Variants in VAV1 observed in about 807,000 individuals in gnomAD.
VAV1 encodes the protein proto-oncogene vav.
A neutral mutation model predicts 128.1 loss-of-function variants in VAV1; 33 were observed. The ratio of observed to expected loss-of-function variants is 0.26; its 90% confidence interval spans 0.20 to 0.34. VAV1 has a LOEUF of 0.34. Ranked by LOEUF, VAV1 falls within the 10% of genes least tolerant of loss-of-function variation. The pLI is 1.00. For missense variants in VAV1, 715 were observed against 1,093.7 expected, an observed-to-expected ratio of 0.65 and a Z score of 4.88; for synonymous variants, 394 against 409.8, an observed-to-expected ratio of 0.96 and a Z score of 0.47.
chr19:6,796,303 C>G (rs768265624), intron 1 of VAV1, among the ~76,000 whole-genome samples: 13 of 152,046 alleles, frequency 8.6e-5, no homozygotes, highest in East Asian at 1.9e-4. Flanking sequence ...ATTTATTTGT[C>G]CTTCTTTATA....
intron 1 of VAV1, among the ~76,000 whole-genome samples, chr19:6,803,092 A>C (rs995618448): frequency 6.6e-6 from 1 of 152,098 alleles, no homozygotes; most frequent in Non-Finnish European, 1.5e-5. Context: ...TCAGCCTGGG[A>C]CGGTTCTTTG....
Position 6,828,860 on chromosome 19 carries a change from C to G in VAV1, c.1225C>G (p.Leu409Val). The stretch of plus-strand genomic sequence containing the variant: ...TGGCCGGCCCAAGATCGACGGGGAA[C>G]TCAAGATCACCTCGGTGGAACGGCG... Reference protein sequence around the residue: ...HYGRPKIDGELKITSVERRSK... With the variant: ...HYGRPKIDGEVKITSVERRSK... Residue 409 changes from leucine (L) to valine (V), a missense_variant, in exon 13 of 27, where the codon CTC becomes GTC. By Grantham distance (32) the Leu-to-Val change is conservative. Around this residue, in one of 3 missense-constraint regions of VAV1, gnomAD observed 407 missense variants for 580.6 expected, o/e 0.70. Coordinates refer to ENST00000602142, the MANE Select transcript of VAV1 (RefSeq NM_005428.4). This position sits in a 1 kb window ranked among gnomAD's most constrained non-coding sequence, Gnocchi z 4.5. 6.2e-7 allele frequency: 1 copy of G among 1,614,130 alleles called. No individual in the cohort carries two copies. Among genetic ancestry groups the G allele is most frequent in the Non-Finnish European group, 8.5e-7 (1 of 1,180,042 alleles).
intron 1 of VAV1, among the ~76,000 whole-genome samples, chr19:6,799,447 C>T (rs1372632576): frequency 6.6e-6 from 1 of 152,100 alleles, no homozygotes; most frequent in African/African-American, 2.4e-5. Flanking sequence ...GGATTACAGG[C>T]GTGAGCCACC....
chr19:6,856,944 G>A lies in VAV1; in HGVS notation c.2485-110G>A, dbSNP rs1003103352. The A allele has an allele frequency of 4.6e-6, 4 of 870,646 alleles. No individual in the cohort carries two copies. The Admixed American group carries it at 7.6e-5, about 17-fold the overall frequency. The allele number at this position is 870,646 out of a possible 1,614,324, so 53.9% of individuals were successfully genotyped here. ...GATGTGTTTTCTGGGATAGACAGAA[G>A]GAAGAGCAGGTGCAAAGGCCCTGAG... is the stretch of plus-strand genomic sequence containing the variant. On this transcript the variant is annotated intron_variant, in intron 26 of 26. Transcript: ENST00000602142.
intron 1 of VAV1, among the ~76,000 whole-genome samples, chr19:6,790,477 G>A (rs139553703): frequency 9.7e-4 from 148 of 152,304 alleles, no homozygotes; most frequent in African/African-American, 3.4e-3. Context: ...GCAGAGCTGT[G>A]CTCCCTCTGG....
Position 6,829,021 on chromosome 19 carries a change from C to T in VAV1, c.1265+121C>T, listed in dbSNP as rs796872937. On this transcript the variant is annotated intron_variant, in intron 13 of 26. Coordinates refer to ENST00000602142, the MANE Select transcript of VAV1 (RefSeq NM_005428.4). ...GGTGGAGCCTGGGCAGGGGCGGGGC[C>T]GGGCTTCTAGATGGACAGGTGGGTG... 7.6e-6 allele frequency: 9 copies of T among 1,179,560 alleles called. No homozygotes were observed. The African/African-American group carries it at 7.7e-5, about 10-fold the overall frequency. 73.1% of individuals were successfully genotyped at this position (1,179,560 alleles called of 1,614,324 possible).
intron 1 of VAV1, among the ~76,000 whole-genome samples, chr19:6,774,091 G>T (rs1029398883): frequency 1.3e-5 from 2 of 152,120 alleles, no homozygotes; most frequent in Admixed American, 1.3e-4. Flanking sequence ...ATTGGTGGAA[G>T]AGATCCATGC....
chr19:6,837,112 GGACA>G, intron 21 of VAV1, 62 bp downstream of exon 21: 4 of 1,556,208 alleles, frequency 2.6e-6, no homozygotes, highest in Non-Finnish European at 3.5e-6. Context: ...CTGGGAGGAT[GGACA>G]GACTTGGAAA....
rs542038713 is a variant in VAV1, at chr19:6,790,196, A to G, written c.204+17185A>G. On this transcript the variant is annotated intron_variant, in intron 1 of 26. Coordinates refer to ENST00000602142, the MANE Select transcript of VAV1 (RefSeq NM_005428.4). The stretch of plus-strand genomic sequence containing the variant: ...CTGTCTCAAAAATAAAATAAAATAA[A>G]ATAAATGCTGGGGAGAGGAAGAGGG... Among the ~76,000 whole-genome samples the G allele has an allele frequency of 7.1e-4, 107 of 150,742 alleles. 1 individual carries two copies. Among genetic ancestry groups the G allele is most frequent in the Non-Finnish European group, 1.1e-3 (74 of 67,116 alleles).
chr19:6,810,410 TTACTC>T (rs1187074970), intron 1 of VAV1, among the ~76,000 whole-genome samples: 4 of 152,022 alleles, frequency 2.6e-5, no homozygotes, highest in Admixed American at 1.3e-4. Context: ...ACCTATGAAA[TTACTC>T]TAACTTGGCC....
intron 1 of VAV1, among the ~76,000 whole-genome samples, chr19:6,789,396 G>C (rs972338415): frequency 6.6e-6 from 1 of 151,988 alleles, no homozygotes; most frequent in South Asian, 2.1e-4. Flanking sequence ...GGGACTATAG[G>C]TGCCCACCAC....
At chr19:6,856,730 G>GAAAAAAAAAAAAAAAAAAA (rs1222535432) in intron 26 of VAV1, among the ~76,000 whole-genome samples, 1 of 68,854 alleles carries the variant, frequency 1.5e-5, no homozygotes, top group Non-Finnish European at 3.1e-5. Flanking sequence ...TCTCAAAAAA[G>GAAAAAAAAAAAAAAAAAAA]AAAAAAAAAA....
Position 6,822,551 on chromosome 19 carries a change from C to A in VAV1, c.654+37C>A, listed in dbSNP as rs944172394. ...CCACCCAGCGCCTGCCGGGCGCATG[C>A]GCGGGAGCTGGGCCGGCAGGTGCAC... On this transcript the variant is annotated intron_variant, in intron 6 of 26. Transcript: ENST00000602142. This position sits in a 1 kb window ranked among gnomAD's most constrained non-coding sequence, Gnocchi z 5.9. The A allele has an allele frequency of 3.3e-6, 5 of 1,532,594 alleles. No homozygotes were observed. Among genetic ancestry groups the A allele is most frequent in the African/African-American group, 1.4e-5 (1 of 72,894 alleles). 94.9% of individuals were successfully genotyped at this position (1,532,594 alleles called of 1,614,324 possible). A position where few individuals can be genotyped will look rare whatever the true frequency, so the allele number is the denominator to read the frequency against.
intron 1 of VAV1, among the ~76,000 whole-genome samples, chr19:6,794,030 AC>A (rs1332751224): frequency 6.8e-6 from 1 of 147,232 alleles, no homozygotes; most frequent in East Asian, 2.0e-4. Flanking sequence ...TTACCAATAA[AC>A]CAACGGTAAA....
At chr19:6,842,958 T>C (rs1972415801) in intron 21 of VAV1, among the ~76,000 whole-genome samples, 177 bp from the exon 22 acceptor site, 1 of 152,112 alleles carries the variant, frequency 6.6e-6, no homozygotes, top group Non-Finnish European at 1.5e-5. Context: ...ACTGGGGCAG[T>C]CTCTCCCCCG....
chr19:6,804,880 T>C (rs548467392), intron 1 of VAV1, among the ~76,000 whole-genome samples: 72 of 151,874 alleles, frequency 4.7e-4, no homozygotes, highest in East Asian at 1.4e-3. Context: ...CCCGCCACCA[T>C]GCCCGGCTAA....
In VAV1 at chr19:6,828,613, C is replaced by G. The variant is rs773341851; in HGVS notation, c.1093-9C>G. 31 of 1,613,804 alleles carry G rather than the reference C, an allele frequency of 1.9e-5. No homozygotes were observed. The highest frequency in any genetic ancestry group is 3.3e-4 in the Middle Eastern group (2 of 6,082). ...TGGGGGGCCAGGTTCACCCCTGCCC[C>G]CTCCCCAGGACCTGGCTCAGTGCGT... is the stretch of plus-strand genomic sequence containing the variant. On this transcript the variant is annotated splice_polypyrimidine_tract_variant and intron_variant, in intron 11 of 26. Coordinates refer to ENST00000602142, the MANE Select transcript of VAV1 (RefSeq NM_005428.4). This position sits in a 1 kb window ranked among gnomAD's most constrained non-coding sequence, Gnocchi z 4.5.
intron 22 of VAV1, among the ~76,000 whole-genome samples, chr19:6,844,718 C>T (rs565159508): frequency 3.9e-5 from 6 of 152,016 alleles, no homozygotes; most frequent in Admixed American, 2.6e-4. Context: ...GCGCTCCTTC[C>T]GCCCTTCTGC....
chr19:6,816,196 G>A (rs946995941), intron 1 of VAV1, among the ~76,000 whole-genome samples: 2 of 151,766 alleles, frequency 1.3e-5, no homozygotes, highest in Non-Finnish European at 2.9e-5. Flanking sequence ...ATTTTTTTGT[G>A]TTTTTGGTTG....
Sources: allele counts gnomAD v4.1 joint callset (sites outside exome capture counted in the v4.1 genomes callset), GRCh38; gene constraint gnomAD v4.1.1; regional missense constraint gnomAD v4.1.1; non-coding constraint Gnocchi (gnomAD v3.1); transcripts MANE v1.5; gene names NCBI Gene and HGNC (gene_info 2026-07-23, HGNC 2026-07-21).